Variants in ELMO2 observed in about 807,000 individuals in gnomAD.
ELMO2 encodes engulfment and cell motility protein 2.
In ELMO2, 37 loss-of-function variants were observed where a neutral mutation model predicts 96.2. The observed-to-expected ratio is 0.38, with a 90% CI of 0.30 to 0.51. ELMO2 has a LOEUF of 0.51. ELMO2 is among the 20% of genes least tolerant of loss of function. The probability of loss-of-function intolerance (pLI) is 0.88; values close to 1 mark genes in which losing one functional copy is unlikely to be tolerated. For missense variants in ELMO2, 561 were observed against 912.6 expected (o/e 0.61, Z 4.96); for synonymous variants, 315 against 329.4 (o/e 0.96, Z 0.47).
intron 20 of ELMO2, chr20:46,369,259 G>A (rs1454934948): frequency 1.0e-5 from 3 of 290,892 alleles, no homozygotes; most frequent in East Asian, 1.2e-4. Context: ...ATCCATGACT[G>A]TAAGTTATCC....
Position 46,371,871 on chromosome 20 carries a change from A to C in ELMO2, c.1515T>G (p.Ser505=), listed in dbSNP as rs769284976. The C allele has an allele frequency of 6.2e-6, 10 of 1,614,100 alleles. No individual in the cohort carries two copies. The highest frequency in any genetic ancestry group is 5.1e-6 in the Non-Finnish European group (6 of 1,179,916). ...CAGACTGGCGCAGTCGTAGAATCTCAGAGTAACTCAGGCTACGCAATTTGC... is the reference window on the plus strand; with the variant it reads ...CAGACTGGCGCAGTCGTAGAATCTCCGAGTAACTCAGGCTACGCAATTTGC... The part of the protein sequence containing the change: ...FKSKLRSLSY[S]EILRLRQSER... Residue 505 remains serine, a synonymous_variant, in exon 17 of 22, where the codon TCT becomes TCG. Transcript: ENST00000290246. This position sits in a 1 kb window ranked among gnomAD's most constrained non-coding sequence, Gnocchi z 5.9.
chr20:46,380,179 AT>A, intron 11 of ELMO2, 73 bp downstream of exon 11: 1 of 1,276,370 alleles, frequency 7.8e-7, no homozygotes, highest in African/African-American at 1.5e-5. Context: ...AATAATTTCA[AT>A]AATAATATAT....
At position 46,386,112 on chromosome 20, in the gene ELMO2, T is replaced by G; in HGVS notation, c.677+12A>C. ...CAAGTGAAGGGAGGGAGGTGTAGGGTTTTTTACTCACACCTGGAGGTGTGA... is the reference window on the plus strand; with the variant it reads ...CAAGTGAAGGGAGGGAGGTGTAGGGGTTTTTACTCACACCTGGAGGTGTGA... On this transcript the variant is annotated intron_variant, in intron 9 of 21. Transcript: ENST00000290246. 3.1e-6 allele frequency: 5 copies of G among 1,606,368 alleles called. No individual in the cohort carries two copies. Among genetic ancestry groups the G allele is most frequent in the Non-Finnish European group, 3.4e-6 (4 of 1,175,298 alleles).
chr20:46,405,775 T>C (rs373204109), intron 1 of ELMO2, among the ~76,000 whole-genome samples: 1 of 151,940 alleles, frequency 6.6e-6, no homozygotes, highest in Non-Finnish European at 1.5e-5. Context: ...TCCCAGCTAC[T>C]TGGGAGGCTG....
chr20:46,383,362 T>C, intron 10 of ELMO2, 54 bp downstream of exon 10: 1 of 1,523,154 alleles, frequency 6.6e-7, no homozygotes, highest in East Asian at 2.2e-5. Flanking sequence ...GTGCATGGGG[T>C]GAGAATTATC....
chr20:46,383,325 G>A, intron 10 of ELMO2, 91 bp downstream of exon 10: 3 of 1,333,402 alleles, frequency 2.2e-6, no homozygotes, highest in Non-Finnish European at 3.2e-6. Context: ...GAAAATTGCT[G>A]GATTTGTGCT....
rs143342316 is a variant in ELMO2, at chr20:46,379,888, T to C, written c.807+365A>G. On this transcript the variant is annotated intron_variant, in intron 11 of 21. Transcript: ENST00000290246. ...AAATACACTTGCTTACTTAGTTCTG[T>C]CAGTGCCCTACACAATTCAGATTTT... is the stretch of plus-strand genomic sequence containing the variant. 5.4e-3 allele frequency: 933 copies of C among 172,920 alleles called. 8 individuals carry two copies. Among genetic ancestry groups the C allele is most frequent in the African/African-American group, 0.021 (881 of 42,154 alleles). The allele number at this position is 172,920 out of a possible 1,614,324, so 10.7% of individuals were successfully genotyped here. A position where few individuals can be genotyped will look rare whatever the true frequency, so the allele number is the denominator to read the frequency against.
At chr20:46,389,437 C>T (rs947535479) in intron 6 of ELMO2, among the ~76,000 whole-genome samples, 6 of 152,144 alleles carry the variant, frequency 3.9e-5, no homozygotes, top group East Asian at 1.9e-4. Flanking sequence ...TTTTCTGTAC[C>T]GCTTTGGCCT....
At chr20:46,401,251 TGACGATCA>T (rs1555834999) in intron 1 of ELMO2, among the ~76,000 whole-genome samples, 3 of 152,156 alleles carry the variant, frequency 2.0e-5, no homozygotes, top group Non-Finnish European at 4.4e-5. Context: ...GTCCACTGAA[TGACGATCA>T]GACTCTGAGG....
rs183089100 is a variant in ELMO2, at chr20:46,376,633, G to C, written c.808-843C>G. 624 of 1,289,394 alleles carry C rather than the reference G, an allele frequency of 4.8e-4. 3 individuals carry two copies. In the African/African-American group the frequency reaches 8.7e-3, roughly 18 times the overall value. The allele number at this position is 1,289,394 out of a possible 1,614,324, so 79.9% of individuals were successfully genotyped here. On this transcript the variant is annotated intron_variant, in intron 11 of 21. Transcript: ENST00000290246. The stretch of plus-strand genomic sequence containing the variant: ...TTACATTCCTGTCTCTCACCATCCT[G>C]TCCTCACTCCCACAATATCCTGCTT...
chr20:46,398,178 A>G (rs1017203730), intron 2 of ELMO2, among the ~76,000 whole-genome samples: 1 of 152,226 alleles, frequency 6.6e-6, no homozygotes, highest in African/African-American at 2.4e-5. Flanking sequence ...GGCTGAATTA[A>G]TGAGAGCAAA....
intron 11 of ELMO2, among the ~76,000 whole-genome samples, chr20:46,378,968 C>T (rs1365260829): frequency 2.0e-5 from 3 of 152,150 alleles, no homozygotes; most frequent in Non-Finnish European, 2.9e-5. Context: ...TCCCAGGTTT[C>T]CCTTGTTTCT....
intron 21 of ELMO2, among the ~76,000 whole-genome samples, 183 bp downstream of exon 21, chr20:46,368,708 C>T (rs1359635503): frequency 6.6e-6 from 1 of 152,104 alleles, no homozygotes; most frequent in Non-Finnish European, 1.5e-5. Flanking sequence ...CCCCCAACCA[C>T]AGCTCCTCCT....
chr20:46,398,990 C>T (rs1293948277), intron 1 of ELMO2, among the ~76,000 whole-genome samples: 1 of 152,130 alleles, frequency 6.6e-6, no homozygotes, highest in African/African-American at 2.4e-5. Flanking sequence ...TTCATTTAAT[C>T]CACACAGCAA....
intron 11 of ELMO2, chr20:46,376,684 A>C: frequency 7.8e-7 from 1 of 1,288,262 alleles, no homozygotes; most frequent in South Asian, 1.2e-5. Flanking sequence ...TGTATTTGTC[A>C]CTCCCTCTGT....
Position 46,370,489 on chromosome 20 carries a change from T to C in ELMO2, c.1838A>G (p.Lys613Arg). 6.2e-7 allele frequency: 1 copy of C among 1,614,200 alleles called. No individual in the cohort carries two copies. Among genetic ancestry groups the C allele is most frequent in the Non-Finnish European group, 8.5e-7 (1 of 1,180,028 alleles). The change falls in exon 20 of 22, where the codon AAA (lysine) becomes AGA (arginine). Residue 613 changes from lysine (K) to arginine (R), a missense_variant. Lys to Arg is a conservative substitution (Grantham distance 26). Coordinates refer to ENST00000290246, the MANE Select transcript of ELMO2 (RefSeq NM_133171.5). ...TTTCTCTTTCATGTGGGGACAATCT[T>C]TCCCAGTGACAATGGCCTTAATGTC... ...VADIKAIVTG[K>R]DCPHMKEKSA...
chr20:46,380,148 T>C (rs2059930126), intron 11 of ELMO2, 105 bp downstream of exon 11: 1 of 977,070 alleles, frequency 1.0e-6, no homozygotes, highest in Non-Finnish European at 1.6e-6. Context: ...AAGGTTCCTC[T>C]GTGTGTCCTC....
intron 11 of ELMO2, among the ~76,000 whole-genome samples, chr20:46,377,555 A>T (rs2059884516): frequency 6.6e-6 from 1 of 152,254 alleles, no homozygotes; most frequent in African/African-American, 2.4e-5. Flanking sequence ...AAATGAAATT[A>T]AAATTACAAA....
chr20:46,399,917 C>T (rs2060307998), intron 1 of ELMO2, among the ~76,000 whole-genome samples: 2 of 152,154 alleles, frequency 1.3e-5, no homozygotes, highest in Admixed American at 1.3e-4. Context: ...AATCCCAATG[C>T]TTTGGGAGGT....
Sources: gnomAD v4.1 joint callset for allele counts (sites outside exome capture counted in the v4.1 genomes callset) on GRCh38, gnomAD v4.1.1 for gene constraint, Gnocchi (gnomAD v3.1) non-coding constraint, MANE v1.5 for transcripts, NCBI Gene and HGNC (gene_info 2026-07-23, HGNC 2026-07-21) for gene names.